The following GPC5 variants were observed in gnomAD, a reference collection of about 807,000 sequenced individuals.
GPC5 encodes the protein glypican 5.
In GPC5, 47 loss-of-function variants were observed where a neutral mutation model predicts 53.9. The ratio of observed to expected loss-of-function variants is 0.87; its 90% CI spans 0.69 to 1.11. The LOEUF is 1.11. GPC5 is among the 50% of genes most tolerant of loss of function. The pLI is 0.00. For synonymous variants in GPC5, 286 were observed against 263.3 expected (o/e 1.09, Z -0.84); for missense variants, 748 against 713.1 (o/e 1.05, Z -0.56).
At position 91,860,457 on chromosome 13, in the gene GPC5, C is replaced by T. The variant is rs890243909; in HGVS notation, c.1281-47480C>T. Among the ~76,000 whole-genome samples, 11 of 148,418 alleles carry T rather than the reference C, an allele frequency of 7.4e-5. 1 individual carries two copies. Among genetic ancestry groups the T allele is most frequent in the Non-Finnish European group, 1.6e-4 (11 of 67,384 alleles). On this transcript the variant is annotated intron_variant, in intron 5 of 7. Transcript: ENST00000377067. ...CATGTATATATATATATCTATCCTTCCTTCCTTCCTTCCTGCCTTCCTTCC... is the reference window on the plus strand; with the variant it reads ...CATGTATATATATATATCTATCCTTTCTTCCTTCCTTCCTGCCTTCCTTCC...
At chr13:91,714,384 G>A (rs557324824) in intron 3 of GPC5, among the ~76,000 whole-genome samples, 9 of 152,236 alleles carry the variant, frequency 5.9e-5, no homozygotes, top group African/African-American at 1.7e-4. Flanking sequence ...CACACACACC[G>A]TGGAAGATTA....
intron 7 of GPC5, among the ~76,000 whole-genome samples, chr13:92,829,234 C>G (rs1214439569): frequency 6.6e-6 from 1 of 152,060 alleles, no homozygotes; most frequent in African/African-American, 2.4e-5. Context: ...TTTTCTGAAG[C>G]AGAAATCATT....
chr13:91,398,878 G>A lies in GPC5; in HGVS notation c.-169G>A, dbSNP rs1876680053. On this transcript the variant is annotated 5_prime_UTR_variant, in exon 1 of 8. Coordinates refer to ENST00000377067, the MANE Select transcript of GPC5 (RefSeq NM_004466.6). Reference sequence around the variant, plus strand: ...CAGCTTAGGGCCTCCTCCGGGAAGAGCTAACTGCTCCCAGGTGAAGCCGGT... The same window carrying A: ...CAGCTTAGGGCCTCCTCCGGGAAGAACTAACTGCTCCCAGGTGAAGCCGGT... 2.8e-6 allele frequency: 2 copies of A among 717,786 alleles called. No homozygotes were observed. The highest frequency in any genetic ancestry group is 4.1e-5 in the South Asian group (2 of 48,744). 44.5% of individuals were successfully genotyped at this position (717,786 alleles called of 1,614,324 possible). A position where few individuals can be genotyped will look rare whatever the true frequency, so the allele number is the denominator to read the frequency against.
chr13:92,799,246 T>C (rs1375734197), intron 7 of GPC5, among the ~76,000 whole-genome samples: 1 of 151,806 alleles, frequency 6.6e-6, no homozygotes, highest in African/African-American at 2.4e-5. Context: ...AAACATTCCT[T>C]TCATCCACTT....
At chr13:92,117,038 G>A (rs531488471) in intron 6 of GPC5, among the ~76,000 whole-genome samples, 1 of 152,204 alleles carries the variant, frequency 6.6e-6, no homozygotes, top group South Asian at 2.1e-4. Flanking sequence ...TTTTAATTTG[G>A]ATGAAGCTCA....
At chr13:91,732,904 A>G (rs1253140530) in intron 4 of GPC5, among the ~76,000 whole-genome samples, 1 of 152,098 alleles carries the variant, frequency 6.6e-6, no homozygotes, top group African/African-American at 2.4e-5. Flanking sequence ...TACCAGTACC[A>G]TGTTGTTTTG....
intron 7 of GPC5, among the ~76,000 whole-genome samples, chr13:92,198,470 A>G (rs749807082): frequency 6.6e-6 from 1 of 152,156 alleles, no homozygotes. Context: ...GTCCAAATTG[A>G]TGACTTATAG....
chr13:91,945,036 G>A (rs1233556679), intron 6 of GPC5, among the ~76,000 whole-genome samples: 2 of 152,128 alleles, frequency 1.3e-5, no homozygotes, highest in East Asian at 3.8e-4. Context: ...GATATATCTT[G>A]GAGTTGAACA....
intron 2 of GPC5, among the ~76,000 whole-genome samples, chr13:91,625,484 T>A (rs1390981422): frequency 6.6e-6 from 1 of 152,034 alleles, no homozygotes; most frequent in Admixed American, 6.6e-5. Flanking sequence ...TAGGCTATTA[T>A]CTCTAGTCAT....
intron 1 of GPC5, among the ~76,000 whole-genome samples, chr13:91,438,569 C>A (rs1272987385): frequency 1.3e-5 from 2 of 152,178 alleles, no homozygotes; most frequent in Admixed American, 1.3e-4. Flanking sequence ...CAGTCTGCCC[C>A]TACTGGGTGG....
chr13:92,560,895 G>GTGTGTGTA (rs1882674848), intron 7 of GPC5, among the ~76,000 whole-genome samples: 1 of 150,946 alleles, frequency 6.6e-6, no homozygotes, highest in Non-Finnish European at 1.5e-5. Context: ...GTGTGTGTGT[G>GTGTGTGTA]TGTATACATA....
chr13:92,051,191 AT>A (rs2041024453), intron 6 of GPC5, among the ~76,000 whole-genome samples: 1 of 126,770 alleles, frequency 7.9e-6, no homozygotes, highest in Admixed American at 9.1e-5. Flanking sequence ...ACTGCATTTC[AT>A]TTTTTTCTTT....
intron 7 of GPC5, among the ~76,000 whole-genome samples, chr13:92,795,141 G>A (rs180847516): frequency 6.6e-5 from 10 of 151,908 alleles, no homozygotes; most frequent in African/African-American, 1.4e-4. Context: ...ACTGTACTAC[G>A]AGACTACAGT....
At chr13:92,161,404 C>T (rs1461276630) in intron 7 of GPC5, among the ~76,000 whole-genome samples, 1 of 152,154 alleles carries the variant, frequency 6.6e-6, no homozygotes, top group Non-Finnish European at 1.5e-5. Flanking sequence ...AGAATGCCTG[C>T]ATGTAATCCA....
intron 7 of GPC5, among the ~76,000 whole-genome samples, chr13:92,166,425 C>G (rs1460097106): frequency 6.6e-6 from 1 of 152,122 alleles, no homozygotes. Context: ...CAGGAAAGGG[C>G]ATATTTTAAA....
rs1447586700 is a variant in GPC5 at position 91,920,924 on chromosome 13, C to CTTTTT, written c.1401+12868_1401+12869insTTTTT. On this transcript the variant is annotated intron_variant, in intron 6 of 7. Coordinates refer to ENST00000377067, the MANE Select transcript of GPC5 (RefSeq NM_004466.6). ...TTTTTAAATCTCTCTCTCTCTCTCT[C>CTTTTT]TCTTTTTTTTTTTTTTTTTTTTTTT... is the stretch of plus-strand genomic sequence containing the variant. 4.7e-4 allele frequency among the ~76,000 whole-genome samples: 28 copies of CTTTTT among 59,594 alleles called. 1 individual carries two copies. The highest frequency in any genetic ancestry group is 1.6e-3 in the African/African-American group (24 of 14,660). 39.1% of individuals were successfully genotyped at this position (59,594 alleles called of 152,430 possible).
At chr13:92,302,575 G>A (rs1428329423) in intron 7 of GPC5, among the ~76,000 whole-genome samples, 2 of 152,120 alleles carry the variant, frequency 1.3e-5, no homozygotes, top group Non-Finnish European at 2.9e-5. Context: ...ATGATTAAAT[G>A]TAGTTTATGA....
In GPC5 at chr13:92,434,186, G is replaced by A. The variant is rs373602686; in HGVS notation, c.1561+289197G>A. ...CTACTTTTAATGCATAATAACTGTA[G>A]CAGGGTTATTCACAGTGGCCAACAC... On this transcript the variant is annotated intron_variant, in intron 7 of 7. Coordinates refer to ENST00000377067, the MANE Select transcript of GPC5 (RefSeq NM_004466.6). Among the ~76,000 whole-genome samples the A allele has an allele frequency of 5.3e-5, 8 of 152,226 alleles. No individual in the cohort carries two copies. The East Asian group carries it at 1.5e-3, about 29-fold the overall frequency.
At chr13:92,425,276 A>G (rs995335337) in intron 7 of GPC5, among the ~76,000 whole-genome samples, 1 of 152,160 alleles carries the variant, frequency 6.6e-6, no homozygotes, top group South Asian at 2.1e-4. Context: ...TTAAATACAA[A>G]TGTAAATATG....
Sources: gnomAD v4.1 joint callset for allele counts (sites outside exome capture counted in the v4.1 genomes callset) on GRCh38, gnomAD v4.1.1 for gene constraint, MANE v1.5 for transcripts, NCBI Gene and HGNC (gene_info 2026-07-23, HGNC 2026-07-21) for gene names.